The following LHX2 variants were observed in gnomAD, a reference collection of about 807,000 sequenced individuals.
LHX2 encodes LIM/homeobox protein Lhx2.
Under a neutral mutation model 33.0 loss-of-function variants are expected in LHX2, and 6 were observed. The ratio of observed to expected loss-of-function variants is 0.18; its 90% CI spans 0.10 to 0.36. The LOEUF (loss-of-function observed/expected upper bound fraction) is 0.36, where lower values mean the gene tolerates loss of function less well. Ranked by LOEUF, LHX2 falls within the 10% of genes least tolerant of loss-of-function variation. LHX2 has a pLI of 1.00. For missense variants in LHX2, 442 were observed against 586.2 expected (o/e 0.75, Z 2.54); for synonymous variants, 292 against 253.1 (o/e 1.15, Z -1.46).
chr9:124,013,816 G>A (rs1859134109), intron 1 of LHX2, 145 bp from the exon 2 acceptor site: 2 of 723,474 alleles, frequency 2.8e-6, no homozygotes, highest in Non-Finnish European at 4.5e-6. Flanking sequence ...TGGGGTGGGG[G>A]GAAGCGCGCC....
chr9:124,018,999 G>T (rs1859246027), intron 3 of LHX2, among the ~76,000 whole-genome samples: 1 of 152,206 alleles, frequency 6.6e-6, no homozygotes. Context: ...GGAGGGATGG[G>T]CCCAAAGATA....
Position 124,032,383 on chromosome 9 carries a change from C to T in LHX2, c.934-37C>T. 1 of 1,542,626 alleles carries T rather than the reference C, an allele frequency of 6.5e-7. No homozygotes were observed. Among genetic ancestry groups the T allele is most frequent in the Non-Finnish European group, 8.7e-7 (1 of 1,144,328 alleles). ...GCAGTCGGGGGGATGCTCTGCCTGCCTTCCGCTCACCAGCCCTTCCCTGTC... is the reference window on the plus strand; with the variant it reads ...GCAGTCGGGGGGATGCTCTGCCTGCTTTCCGCTCACCAGCCCTTCCCTGTC... On this transcript the variant is annotated intron_variant, in intron 4 of 4. Transcript: ENST00000373615. The surrounding 1 kb of genome is among the most constrained non-coding windows in gnomAD (Gnocchi z 4.1).
At position 124,033,171 on chromosome 9, in the gene LHX2, GA is replaced by G. The variant is rs565220739; in HGVS notation, c.*476del. Reference sequence around the variant, plus strand: ...TTGAATAGTCCTAAAAAGAAAAAAAGAAAAAAAAAAAAGGAAAAATCAAACC... The same window carrying G: ...TTGAATAGTCCTAAAAAGAAAAAAAGAAAAAAAAAAAGGAAAAATCAAACC... On this transcript the variant is annotated 3_prime_UTR_variant, in exon 5 of 5. Coordinates refer to ENST00000373615, the MANE Select transcript of LHX2 (RefSeq NM_004789.4). 0.012 allele frequency: 1,561 copies of G among 133,422 alleles called. 21 individuals carry two copies. Among genetic ancestry groups the G allele is most frequent in the African/African-American group, 0.034 (1,253 of 36,348 alleles). 8.3% of individuals were successfully genotyped at this position (133,422 alleles called of 1,614,324 possible).
intron 4 of LHX2, among the ~76,000 whole-genome samples, chr9:124,027,852 G>A (rs1828650224): frequency 6.6e-6 from 1 of 152,088 alleles, no homozygotes; most frequent in South Asian, 2.1e-4. Context: ...ATGAGGAATA[G>A]TATTCATCAT....
intron 3 of LHX2, among the ~76,000 whole-genome samples, chr9:124,020,765 A>T (rs183894429): frequency 4.9e-4 from 74 of 152,286 alleles, no homozygotes; most frequent in African/African-American, 1.7e-3. Flanking sequence ...CTGGAGTTCA[A>T]TCGGCCATCA....
At position 124,012,769 on chromosome 9, in the gene LHX2, G is replaced by A. The variant is rs1238655785; in HGVS notation, c.120+301G>A. 6.6e-6 allele frequency among the ~76,000 whole-genome samples: 1 copy of A among 152,212 alleles called. No individual in the cohort carries two copies. On this transcript the variant is annotated intron_variant, in intron 1 of 4. Transcript: ENST00000373615. This position sits in a 1 kb window ranked among gnomAD's most constrained non-coding sequence, Gnocchi z 4.3. Reference sequence around the variant, plus strand: ...GGCGGCTCCCTTCTCACCTTGCCCGGTGCCGGGGTCGACAGCCCCGCGCTC... The same window carrying A: ...GGCGGCTCCCTTCTCACCTTGCCCGATGCCGGGGTCGACAGCCCCGCGCTC...
Position 124,014,982 on chromosome 9 carries a change from C to A in LHX2, c.324-140C>A. 1.2e-6 allele frequency: 1 copy of A among 865,172 alleles called. No homozygotes were observed. The highest frequency in any genetic ancestry group is 1.8e-6 in the Non-Finnish European group (1 of 565,174). The allele number at this position is 865,172 out of a possible 1,614,324, so 53.6% of individuals were successfully genotyped here. ...CTGGGTCAAAATCTAGTTCTCTCTCCCCCCCATCCTCCAAATAAAGGCCGG... is the reference window on the plus strand; with the variant it reads ...CTGGGTCAAAATCTAGTTCTCTCTCACCCCCATCCTCCAAATAAAGGCCGG... On this transcript the variant is annotated intron_variant, in intron 2 of 4. Coordinates refer to ENST00000373615, the MANE Select transcript of LHX2 (RefSeq NM_004789.4). The surrounding 1 kb of genome is among the most constrained non-coding windows in gnomAD (Gnocchi z 4.8).
rs1237081331 is a variant in LHX2, at chr9:124,022,993, C to T, written c.933+1689C>T. The stretch of plus-strand genomic sequence containing the variant: ...TGCTTTGGAGTCCCAGTGGCCTGAG[C>T]TCCTGGTGGATGGAGAACGTGACTA... On this transcript the variant is annotated intron_variant, in intron 4 of 4. Transcript: ENST00000373615. Among the ~76,000 whole-genome samples the T allele has an allele frequency of 3.9e-5, 6 of 152,232 alleles. 1 individual carries two copies. The highest frequency in any genetic ancestry group is 8.8e-5 in the Non-Finnish European group (6 of 68,040).
intron 4 of LHX2, among the ~76,000 whole-genome samples, chr9:124,022,666 G>GC (rs915415218): frequency 2.0e-5 from 3 of 152,362 alleles, no homozygotes. Context: ...GAGACGGAGG[G>GC]CTGCGCAGCT....
chr9:124,032,344 G>A lies in LHX2; in HGVS notation c.934-76G>A, dbSNP rs1828712402. 5 of 1,456,282 alleles carry A rather than the reference G, an allele frequency of 3.4e-6. No homozygotes were observed. The highest frequency in any genetic ancestry group is 4.6e-6 in the Non-Finnish European group (5 of 1,093,900). 90.2% of individuals were successfully genotyped at this position (1,456,282 alleles called of 1,614,324 possible). On this transcript the variant is annotated intron_variant, in intron 4 of 4. Transcript: ENST00000373615. This position sits in a 1 kb window ranked among gnomAD's most constrained non-coding sequence, Gnocchi z 4.1. Reference sequence around the variant, plus strand: ...CAGATCAGCGTCCCCAGAGGCAGCAGAGCTCTGAGTGAAGCAGTCGGGGGG... The same window carrying A: ...CAGATCAGCGTCCCCAGAGGCAGCAAAGCTCTGAGTGAAGCAGTCGGGGGG...
chr9:124,018,047 G>C lies in LHX2; in HGVS notation c.727+2522G>C, dbSNP rs1370196607. Reference sequence around the variant, plus strand: ...CGGCCTCCCCCAGCCCCAGCTTTTTGTGTGTGTGTGCCTGGCGGCGTAATT... The same window carrying C: ...CGGCCTCCCCCAGCCCCAGCTTTTTCTGTGTGTGTGCCTGGCGGCGTAATT... On this transcript the variant is annotated intron_variant, in intron 3 of 4. Coordinates refer to ENST00000373615, the MANE Select transcript of LHX2 (RefSeq NM_004789.4). 2.6e-5 allele frequency among the ~76,000 whole-genome samples: 4 copies of C among 151,890 alleles called. 1 individual carries two copies. The highest frequency in any genetic ancestry group is 4.2e-4 in the South Asian group (2 of 4,816).
chr9:124,032,187 A>C lies in LHX2; in HGVS notation c.934-233A>C, dbSNP rs1828710936. ...ATCCCAGGAGTTAGAAGCTGCAGTGAGTCGAGATTGTGTCACTGCACTTCA... is the reference window on the plus strand; with the variant it reads ...ATCCCAGGAGTTAGAAGCTGCAGTGCGTCGAGATTGTGTCACTGCACTTCA... On this transcript the variant is annotated intron_variant, in intron 4 of 4. Coordinates refer to ENST00000373615, the MANE Select transcript of LHX2 (RefSeq NM_004789.4). The surrounding 1 kb of genome is among the most constrained non-coding windows in gnomAD (Gnocchi z 4.1). The C allele has an allele frequency of 2.1e-6, 1 of 478,486 alleles. No individual in the cohort carries two copies. The highest frequency in any genetic ancestry group is 3.6e-6 in the Non-Finnish European group (1 of 274,248). 29.6% of individuals were successfully genotyped at this position (478,486 alleles called of 1,614,324 possible).
Position 124,021,089 on chromosome 9 carries a change from T to C in LHX2, c.728-10T>C, listed in dbSNP as rs767046902. 6.2e-6 allele frequency: 10 copies of C among 1,613,530 alleles called. No homozygotes were observed. The highest frequency in any genetic ancestry group is 2.7e-5 in the African/African-American group (2 of 74,876). ...GAAGTTCACCCACCGGCTCTGTGTC[T>C]CCTCCCTAGCGCTAAGCTGCAACGA... On this transcript the variant is annotated splice_polypyrimidine_tract_variant and intron_variant, in intron 3 of 4. Transcript: ENST00000373615.
At chr9:124,020,982 C>T (rs927859212) in intron 3 of LHX2, 117 bp from the exon 4 acceptor site, 15 of 866,146 alleles carry the variant, frequency 1.7e-5, no homozygotes, top group Middle Eastern at 2.7e-4. Flanking sequence ...TTCATTGTGG[C>T]GCAGACATGC....
intron 3 of LHX2, 136 bp from the exon 4 acceptor site, chr9:124,020,963 T>A (rs1186010634): frequency 1.4e-6 from 1 of 731,552 alleles, no homozygotes; most frequent in African/African-American, 1.7e-5. Context: ...ATGGGGATGA[T>A]GTCCCCCTTT....
At chr9:124,029,293 T>C (rs1828676832) in intron 4 of LHX2, among the ~76,000 whole-genome samples, 2 of 152,120 alleles carry the variant, frequency 1.3e-5, no homozygotes, top group Non-Finnish European at 2.9e-5. Context: ...TATGAATACA[T>C]ATTACTGATT....
Position 124,032,531 on chromosome 9 carries a change from CCGGCCT to C in LHX2, c.1049_1054del (p.Ala350_Ser351del), listed in dbSNP as rs769951908. 33 of 1,613,884 alleles carry C rather than the reference CCGGCCT, an allele frequency of 2.0e-5. No homozygotes were observed. Among genetic ancestry groups the C allele is most frequent in the Non-Finnish European group, 2.2e-5 (26 of 1,180,018 alleles). On this transcript the variant is annotated inframe_deletion, in exon 5 of 5. Transcript: ENST00000373615. The surrounding 1 kb of genome is among the most constrained non-coding windows in gnomAD (Gnocchi z 4.1). ...GCTGCAGACAGGGACGCCATCGGGC[CCGGCCT>C]CGGAGCTCTCCAACGCCTCGCTCAG...
intron 4 of LHX2, among the ~76,000 whole-genome samples, chr9:124,031,097 G>T (rs568543696): frequency 6.6e-5 from 10 of 152,128 alleles, no homozygotes; most frequent in African/African-American, 2.4e-4. Context: ...GCGCCCCGCC[G>T]CACGTCCCTC....
chr9:124,031,847 G>A (rs905261204), intron 4 of LHX2: 4 of 152,170 alleles, frequency 2.6e-5, no homozygotes, highest in Non-Finnish European at 4.4e-5. Context: ...TGTGATATTC[G>A]GGAGTACAGC....
Sources: gnomAD v4.1 joint callset for allele counts (sites outside exome capture counted in the v4.1 genomes callset) on GRCh38, gnomAD v4.1.1 for gene constraint, Gnocchi (gnomAD v3.1) non-coding constraint, MANE v1.5 for transcripts, NCBI Gene and HGNC (gene_info 2026-07-23, HGNC 2026-07-21) for gene names.